HMGA2: variants seen among roughly 807,000 people sequenced by gnomAD.
The protein encoded by HMGA2 is high mobility group protein HMGI-C.
A neutral mutation model predicts 19.1 loss-of-function variants in HMGA2; 8 were observed. That is an observed-to-expected ratio of 0.42 (90% CI 0.25 to 0.76). HMGA2 has a LOEUF of 0.76. HMGA2 is among the 30% of genes least tolerant of loss of function. The pLI is 0.28. For missense variants in HMGA2, 109 were observed against 136.3 expected (o/e 0.80, Z 1.00); for synonymous variants, 60 against 48.8 (o/e 1.23, Z -0.96).
chr12:65,845,359 C>A (rs1451219141), intron 3 of HMGA2, among the ~76,000 whole-genome samples: 1 of 152,138 alleles, frequency 6.6e-6, no homozygotes. Flanking sequence ...GTTTCTGCCT[C>A]CCGGGTTCAA....
chr12:65,924,048 C>A (rs1304125795), intron 3 of HMGA2, among the ~76,000 whole-genome samples: 4 of 151,844 alleles, frequency 2.6e-5, no homozygotes, highest in East Asian at 1.9e-4. Flanking sequence ...AACAAAAAAA[C>A]CAGGAAAGTC....
chr12:65,953,906 T>G (rs1032380002), intron 4 of HMGA2: 3 of 152,246 alleles, frequency 2.0e-5, no homozygotes, highest in Non-Finnish European at 4.4e-5. Context: ...GGCTTTCCCA[T>G]GAGGCAATCT....
chr12:65,906,523 T>A (rs749620735), intron 3 of HMGA2, among the ~76,000 whole-genome samples: 1 of 152,190 alleles, frequency 6.6e-6, no homozygotes, highest in Non-Finnish European at 1.5e-5. Flanking sequence ...ACAAGTGTCT[T>A]GCTAGTATGT....
chr12:65,831,898 T>G (rs568740905), intron 2 of HMGA2, among the ~76,000 whole-genome samples: 2 of 152,042 alleles, frequency 1.3e-5, no homozygotes, highest in East Asian at 1.9e-4. Flanking sequence ...ACATTATTAT[T>G]GGTGAGTTAA....
At chr12:65,907,477 G>T (rs1874648015) in intron 3 of HMGA2, among the ~76,000 whole-genome samples, 3 of 151,772 alleles carry the variant, frequency 2.0e-5, no homozygotes, top group African/African-American at 7.3e-5. Flanking sequence ...AGAGTTCTGG[G>T]CCTCTCAGCG....
At chr12:65,902,488 T>C (rs543489729) in intron 3 of HMGA2, among the ~76,000 whole-genome samples, 329 of 152,220 alleles carry the variant, frequency 2.2e-3, no homozygotes, top group Non-Finnish European at 3.8e-3. Context: ...TCTGAAAAAA[T>C]GTTTTACCCC....
intron 3 of HMGA2, among the ~76,000 whole-genome samples, chr12:65,900,570 G>C (rs1281968004): frequency 6.6e-6 from 1 of 152,224 alleles, no homozygotes; most frequent in Non-Finnish European, 1.5e-5. Context: ...CAAGGACCAA[G>C]TATATCAAAG....
intron 3 of HMGA2, among the ~76,000 whole-genome samples, chr12:65,879,293 T>C (rs112488872): frequency 1.2e-5 from 1 of 83,568 alleles, no homozygotes; most frequent in African/African-American, 8.7e-5. Flanking sequence ...ATACCAGCTA[T>C]TTTTTTTTTT....
At chr12:65,840,054 G>T (rs142690085) in intron 3 of HMGA2, among the ~76,000 whole-genome samples, 3 of 152,154 alleles carry the variant, frequency 2.0e-5, no homozygotes, top group Non-Finnish European at 4.4e-5. Flanking sequence ...TCCCCATAAA[G>T]GAACATTCTT....
intron 3 of HMGA2, chr12:65,881,725 G>T (rs559281847): frequency 1.4e-6 from 1 of 702,938 alleles, no homozygotes; most frequent in Non-Finnish European, 2.6e-6. Context: ...CACTGACTCC[G>T]CACACATTCC....
At chr12:65,934,351 A>G (rs903420593) in intron 3 of HMGA2, among the ~76,000 whole-genome samples, 4 of 152,150 alleles carry the variant, frequency 2.6e-5, no homozygotes, top group Non-Finnish European at 5.9e-5. Context: ...CAATGACCAT[A>G]TTCTCTAATA....
intron 2 of HMGA2, among the ~76,000 whole-genome samples, chr12:65,833,967 C>CT (rs1346010671): frequency 6.6e-6 from 1 of 152,130 alleles, no homozygotes; most frequent in Non-Finnish European, 1.5e-5. Context: ...AATGCCATAG[C>CT]TTTTGTCAGG....
chr12:65,920,096 C>T (rs1037404713), intron 3 of HMGA2, among the ~76,000 whole-genome samples: 3 of 152,142 alleles, frequency 2.0e-5, no homozygotes, highest in Admixed American at 6.5e-5. Flanking sequence ...TTTGAGTTTA[C>T]ATAGTAACTC....
intron 2 of HMGA2, among the ~76,000 whole-genome samples, chr12:65,830,215 T>C (rs1292345974): frequency 6.6e-6 from 1 of 152,002 alleles, no homozygotes; most frequent in African/African-American, 2.4e-5. Context: ...TGATGAATCG[T>C]TCATGGCATG....
intron 2 of HMGA2, among the ~76,000 whole-genome samples, chr12:65,835,092 A>G (rs1870657007): frequency 6.6e-6 from 1 of 152,206 alleles, no homozygotes; most frequent in South Asian, 2.1e-4. Context: ...AGTGAGAATT[A>G]GTTATGCCTC....
intron 3 of HMGA2, among the ~76,000 whole-genome samples, chr12:65,918,755 A>T (rs1875198566): frequency 6.6e-6 from 1 of 152,220 alleles, no homozygotes; most frequent in South Asian, 2.1e-4. Context: ...GTAACTTTTT[A>T]ATGCTCTACC....
At chr12:65,925,777 C>CG (rs35246909) in intron 3 of HMGA2, among the ~76,000 whole-genome samples, 44,614 of 152,018 alleles carry the variant, frequency 0.29, 7,356 homozygotes, top group African/African-American at 0.43. Flanking sequence ...ATGCGGATCT[C>CG]GGGCATTTTC....
chr12:65,845,113 A>C, intron 3 of HMGA2, among the ~76,000 whole-genome samples: 1 of 152,120 alleles, frequency 6.6e-6, no homozygotes, highest in East Asian at 1.9e-4. Context: ...AATATTTCTA[A>C]AAGGTTGGAA....
At chr12:65,840,587 C>T (rs1038134383) in intron 3 of HMGA2, among the ~76,000 whole-genome samples, 2 of 152,224 alleles carry the variant, frequency 1.3e-5, no homozygotes, top group Middle Eastern at 3.4e-3. Context: ...GCCTTAGACT[C>T]GGAAGTCAAA....
Sources: allele counts gnomAD v4.1 joint callset (sites outside exome capture counted in the v4.1 genomes callset), GRCh38; gene constraint gnomAD v4.1.1; transcripts MANE v1.5; gene names NCBI Gene and HGNC (gene_info 2026-07-23, HGNC 2026-07-21).